NLRC3: variants seen among roughly 807,000 people sequenced by gnomAD.
The protein encoded by NLRC3 is NLR family CARD domain-containing protein 3.
In NLRC3, 87 loss-of-function variants were observed where a neutral mutation model predicts 91.6. The ratio of observed to expected loss-of-function variants is 0.95; its 90% CI spans 0.80 to 1.14. The LOEUF is 1.14. NLRC3 is among the 50% of genes most tolerant of loss of function. The probability of loss-of-function intolerance (pLI) is 0.00; values close to 1 mark genes in which losing one functional copy is unlikely to be tolerated. For missense variants in NLRC3, 1,577 were observed against 1,418.6 expected, an observed-to-expected ratio of 1.11 and a Z score of -1.79; for synonymous variants, 694 against 625.3, an observed-to-expected ratio of 1.11 and a Z score of -1.64.
intron 6 of NLRC3, 46 bp from the exon 7 acceptor site, chr16:3,557,722 C>G (rs377521809): frequency 3.2e-4 from 382 of 1,180,294 alleles, no homozygotes; most frequent in Admixed American, 1.8e-3. Flanking sequence ...GCATGCACAT[C>G]TCATGGCCTC....
At chr16:3,546,848 G>T (rs1043184920) in intron 15 of NLRC3, among the ~76,000 whole-genome samples, 2 of 152,050 alleles carry the variant, frequency 1.3e-5, no homozygotes, top group African/African-American at 4.8e-5. Flanking sequence ...GAAAAGAGAC[G>T]CCAGGCAAGC....
At position 3,563,996 on chromosome 16, in the gene NLRC3, C is replaced by G; in HGVS notation, c.941G>C (p.Ser314Thr). The change falls in exon 5 of 20, where the codon AGC becomes ACC. Residue 314 changes from serine to threonine, a missense_variant. Ser to Thr is a moderately conservative substitution (Grantham distance 58). Coordinates refer to ENST00000359128, the MANE Select transcript of NLRC3 (RefSeq NM_178844.4). The stretch of plus-strand genomic sequence containing the variant: ...CAGGGCCCTGTCAGCCTGCACTTGG[C>G]TCAGCATCCAGCCCAGAAGGGCCTG... ...EDQALLGWML[S>T]QVQADRALYL... The G allele has an allele frequency of 1.2e-6, 2 of 1,607,506 alleles. No individual in the cohort carries two copies. Among genetic ancestry groups the G allele is most frequent in the Non-Finnish European group, 1.7e-6 (2 of 1,179,294 alleles).
Position 3,556,892 on chromosome 16 carries a change from G to C in NLRC3, c.2183+19C>G. On this transcript the variant is annotated intron_variant, in intron 8 of 19. Transcript: ENST00000359128. Reference sequence around the variant, plus strand: ...GGCCCTCTCTTGGGGTCACAACACAGGGAGCAGGTGACACACACCTCAGGG... The same window carrying C: ...GGCCCTCTCTTGGGGTCACAACACACGGAGCAGGTGACACACACCTCAGGG... 6.3e-7 allele frequency: 1 copy of C among 1,579,792 alleles called. No individual in the cohort carries two copies. Among genetic ancestry groups the C allele is most frequent in the Non-Finnish European group, 8.7e-7 (1 of 1,149,872 alleles).
At position 3,548,235 on chromosome 16, in the gene NLRC3, A is replaced by T; in HGVS notation, c.2688-17T>A. On this transcript the variant is annotated splice_polypyrimidine_tract_variant and intron_variant, in intron 14 of 19. Coordinates refer to ENST00000359128, the MANE Select transcript of NLRC3 (RefSeq NM_178844.4). The stretch of plus-strand genomic sequence containing the variant: ...CACTGCAGGCTGGGCAGACACAGAC[A>T]CATGTGACTATGTGACTATGTGACT... 6.3e-7 allele frequency: 1 copy of T among 1,577,088 alleles called. No homozygotes were observed. The highest frequency in any genetic ancestry group is 1.2e-5 in the South Asian group (1 of 86,356).
At chr16:3,575,688 C>T (rs2040262290) in intron 1 of NLRC3, among the ~76,000 whole-genome samples, 1 of 152,208 alleles carries the variant, frequency 6.6e-6, no homozygotes. Context: ...TGGCCTGCTG[C>T]CTCATTCCTG....
rs1027448717 is a variant in NLRC3 at position 3,566,101 on chromosome 16, CAAAAAAAAAAAA to C, written c.-86-733_-86-722del. On this transcript the variant is annotated intron_variant, in intron 2 of 19. Transcript: ENST00000359128. ...CTTGCTCCTGAGTTAGAGCAAAAAGCAAAAAAAAAAAAAAAAAAAAAAAAAAAGAATGAGCCA... is the reference window on the plus strand; with the variant it reads ...CTTGCTCCTGAGTTAGAGCAAAAAGCAAAAAAAAAAAAAAAGAATGAGCCA... 4.7e-4 allele frequency among the ~76,000 whole-genome samples: 10 copies of C among 21,316 alleles called. 1 individual carries two copies. Among genetic ancestry groups the C allele is most frequent in the Admixed American group, 6.0e-4 (1 of 1,678 alleles). 14.0% of individuals were successfully genotyped at this position (21,316 alleles called of 152,430 possible).
At chr16:3,543,191 A>C in intron 17 of NLRC3, 2 of 522,006 alleles carry the variant, frequency 3.8e-6, no homozygotes, top group South Asian at 4.1e-5. Context: ...GGACCCATAA[A>C]CCAGGCCTCT....
intron 15 of NLRC3, chr16:3,544,602 CCAAAAGGGGATG>C (rs1301089398): frequency 2.4e-6 from 1 of 417,082 alleles, no homozygotes; most frequent in African/African-American, 2.0e-5. Flanking sequence ...GGCTTGGGAC[CCAAAAGGGGATG>C]CTTTTCACAG....
chr16:3,557,043 G>A (rs199476281), intron 7 of NLRC3, 49 bp from the exon 8 acceptor site: 3 of 1,332,822 alleles, frequency 2.3e-6, no homozygotes, highest in Non-Finnish European at 3.2e-6. Flanking sequence ...TCCCAGAGAG[G>A]GAAGGGGAAA....
rs1487263814 is a variant in NLRC3 at position 3,557,651 on chromosome 16, T to C, written c.2041A>G (p.Lys681Glu). ...ISLAENQISNKGAKALARSLL... is the reference protein window; with the variant it reads ...ISLAENQISNEGAKALARSLL... ...GATCTGGCCAGAGCTTTGGCCCCTT[T>C]GTTACTGATCTGGTTCTCCGCCAAG... is the stretch of plus-strand genomic sequence containing the variant. Residue 681 changes from lysine (K) to glutamate (E), a missense_variant, in exon 7 of 20, where the codon AAA (lysine) becomes GAA (glutamate). Physicochemically the swap from Lys to Glu is moderately conservative, Grantham distance 56. Transcript: ENST00000359128. 7.4e-6 allele frequency: 12 copies of C among 1,613,520 alleles called. No individual in the cohort carries two copies. The highest frequency in any genetic ancestry group is 1.6e-4 in the Middle Eastern group (1 of 6,068).
intron 15 of NLRC3, among the ~76,000 whole-genome samples, chr16:3,547,654 A>ATATATATGTG (rs1210210899): frequency 2.0e-5 from 3 of 151,770 alleles, no homozygotes; most frequent in Non-Finnish European, 4.4e-5. Context: ...GTGTGTGTGT[A>ATATATATGTG]TGTATATATA....
Position 3,565,058 on chromosome 16 carries a change from G to A in NLRC3, c.-22C>T. ...TCATGGAGTCGGGGATCACCTCCAG[G>A]AGCTGTGAAGAGAGGGCCTGAACCT... On this transcript the variant is annotated splice_region_variant and 5_prime_UTR_variant, in exon 4 of 20. Transcript: ENST00000359128. 2.5e-6 allele frequency: 4 copies of A among 1,603,200 alleles called. No individual in the cohort carries two copies. Among genetic ancestry groups the A allele is most frequent in the Non-Finnish European group, 3.4e-6 (4 of 1,177,806 alleles).
rs892467006 is a variant in NLRC3 at position 3,560,093 on chromosome 16, A to C, written c.2015+1609T>G. Among the ~76,000 whole-genome samples the C allele has an allele frequency of 4.6e-5, 7 of 152,258 alleles. 1 individual carries two copies. The Middle Eastern group carries it at 0.01, about 222-fold the overall frequency. On this transcript the variant is annotated intron_variant, in intron 6 of 19. Coordinates refer to ENST00000359128, the MANE Select transcript of NLRC3 (RefSeq NM_178844.4). ...ATTGCCATTAACTCAGATAAAGATT[A>C]CTTCAGAACCCAGAGGCTTGTATGA...
intron 15 of NLRC3, 162 bp from the exon 16 acceptor site, chr16:3,544,491 C>G (rs988720806): frequency 3.2e-5 from 20 of 618,756 alleles, no homozygotes; most frequent in Non-Finnish European, 5.0e-5. Flanking sequence ...CCCTGCAGCC[C>G]GCCGCCTCAT....
rs2039619303 is a variant in NLRC3 at position 3,561,701 on chromosome 16, C to G, written c.2015+1G>C. ...CTGGAGGTCCCCTGGGTCTGTGTTA[C>G]CTGATCTTCTGAATGCGACAGTCCT... On this transcript the variant is annotated splice_donor_variant, in intron 6 of 19. Transcript: ENST00000359128. LOFTEE classifies it high-confidence loss of function. 2 of 1,609,018 alleles carry G rather than the reference C, an allele frequency of 1.2e-6. No homozygotes were observed.
At position 3,563,383 on chromosome 16, in the gene NLRC3, G is replaced by A. The variant is rs376247970; in HGVS notation, c.1554C>T (p.Ser518=). 1.8e-5 allele frequency: 29 copies of A among 1,582,940 alleles called. No homozygotes were observed. In the African/African-American group the frequency reaches 2.0e-4, roughly 11 times the overall value. The stretch of plus-strand genomic sequence containing the variant: ...CATTGACCCTCGGAGACAAGAGGCC[G>A]GAGAGGAAGCGCAGGAACACGTCCA... ...GRLDVFLRFL[S]GLLSPRVNAL... The change falls in exon 5 of 20, where the codon TCC becomes TCT. Residue 518 remains serine, a synonymous_variant. Transcript: ENST00000359128.
Position 3,563,471 on chromosome 16 carries a change from A to C in NLRC3, c.1466T>G (p.Leu489Arg). The C allele has an allele frequency of 1.9e-6, 3 of 1,586,426 alleles. No individual in the cohort carries two copies. The highest frequency in any genetic ancestry group is 2.6e-6 in the Non-Finnish European group (3 of 1,166,806). ...FTESGVSWPR[L>R]GFLTHFRSAA... The stretch of plus-strand genomic sequence containing the variant: ...GCTCCTGAAATGCGTGAGGAAGCCC[A>C]GCCTGGGCCAGGATACGCCGCTCTC... The change falls in exon 5 of 20, where the codon CTG becomes CGG. Residue 489 changes from leucine (L) to arginine (R), a missense_variant. Leu to Arg is a moderately radical substitution (Grantham distance 102). Transcript: ENST00000359128.
intron 8 of NLRC3, among the ~76,000 whole-genome samples, chr16:3,555,497 TCTGGAA>T (rs1434129949): frequency 2.6e-5 from 4 of 152,094 alleles, no homozygotes; most frequent in Non-Finnish European, 5.9e-5. Context: ...ATGAAAATAT[TCTGGAA>T]CTGGACAGAT....
rs190896162 is a variant in NLRC3 at position 3,563,445 on chromosome 16, C to T, written c.1492G>A (p.Ala498Thr). The T allele has an allele frequency of 8.4e-5, 132 of 1,577,688 alleles. No homozygotes were observed. In the African/African-American group the frequency reaches 1.0e-3, roughly 12 times the overall value. The part of the protein sequence containing the change: ...RLGFLTHFRS[A>T]AQRAMQAEDG... The stretch of plus-strand genomic sequence containing the variant: ...TCTGCCTGCATGGCCCGCTGGGCTG[C>T]GCTCCTGAAATGCGTGAGGAAGCCC... The change falls in exon 5 of 20, where the codon GCA becomes ACA. Residue 498 changes from alanine to threonine, a missense_variant. Physicochemically the swap from Ala to Thr is moderately conservative, Grantham distance 58. Coordinates refer to ENST00000359128, the MANE Select transcript of NLRC3 (RefSeq NM_178844.4).
Sources: allele counts gnomAD v4.1 joint callset (sites outside exome capture counted in the v4.1 genomes callset), GRCh38; gene constraint gnomAD v4.1.1; transcripts MANE v1.5; gene names NCBI Gene and HGNC (gene_info 2026-07-23, HGNC 2026-07-21).